Variants in GRIN1 observed in about 807,000 individuals in gnomAD.
The protein encoded by GRIN1 is glutamate receptor ionotropic, NMDA 1.
Under a neutral mutation model 103.0 loss-of-function variants are expected in GRIN1, and 38 were observed. The ratio of observed to expected loss-of-function variants is 0.37; its 90% CI spans 0.28 to 0.48. The LOEUF (loss-of-function observed/expected upper bound fraction) is 0.48, where lower values mean the gene tolerates loss of function less well. Ranked by LOEUF, GRIN1 falls within the 20% of genes least tolerant of loss-of-function variation. The pLI, the probability that GRIN1 is intolerant of heterozygous loss-of-function variation, is 0.98. For missense variants in GRIN1, 577 were observed against 1,288.9 expected (o/e 0.45, Z 8.46); for synonymous variants, 544 against 532.7 (o/e 1.02, Z -0.29).
At position 137,158,647 on chromosome 9, in the gene GRIN1, C is replaced by T. The variant is rs747469387; in HGVS notation, c.1140C>T (p.Ile380=). The part of the protein sequence containing the change: ...THVIPNDRKI[I]WPGGETEKPR... ...TCATCCCTAATGACAGGAAGATCATCTGGCCAGGCGGAGAGACAGAGAAGC... is the reference window on the plus strand; with the variant it reads ...TCATCCCTAATGACAGGAAGATCATTTGGCCAGGCGGAGAGACAGAGAAGC... Residue 380 remains isoleucine, a synonymous_variant, in exon 8 of 20, where the codon ATC becomes ATT. Transcript: ENST00000371561. The T allele has an allele frequency of 1.9e-6, 3 of 1,612,900 alleles. No individual in the cohort carries two copies. Among genetic ancestry groups the T allele is most frequent in the East Asian group, 2.2e-5 (1 of 44,874 alleles).
At position 137,167,959 on chromosome 9, in the gene GRIN1, C is replaced by T; in HGVS notation, c.*432C>T. The T allele has an allele frequency of 2.2e-6, 2 of 903,276 alleles. No homozygotes were observed. Among genetic ancestry groups the T allele is most frequent in the Non-Finnish European group, 3.5e-6 (2 of 571,314 alleles). The allele number at this position is 903,276 out of a possible 1,614,324, so 56.0% of individuals were successfully genotyped here. A position where few individuals can be genotyped will look rare whatever the true frequency, so the allele number is the denominator to read the frequency against. On this transcript the variant is annotated 3_prime_UTR_variant, in exon 20 of 20. Transcript: ENST00000371561. ...CCCAGAGACTGCCCACCCTGGGCCTCCCGTCCGTCCGCCCGCCCACCCCGC... is the reference window on the plus strand; with the variant it reads ...CCCAGAGACTGCCCACCCTGGGCCTTCCGTCCGTCCGCCCGCCCACCCCGC...
chr9:137,148,378 G>A (rs182678957), intron 3 of GRIN1, among the ~76,000 whole-genome samples: 33 of 152,320 alleles, frequency 2.2e-4, no homozygotes, highest in Admixed American at 7.8e-4. Context: ...GAGGGCAGGC[G>A]TGGCGGCGTG....
chr9:137,142,240 A>G (rs898724029), intron 2 of GRIN1, 93 bp downstream of exon 2: 2 of 1,292,496 alleles, frequency 1.5e-6, no homozygotes, highest in East Asian at 4.6e-5. Context: ...GCTCACATGG[A>G]ACTCACACAC....
chr9:137,153,771 C>G (rs1248658454), intron 4 of GRIN1, among the ~76,000 whole-genome samples: 1 of 152,202 alleles, frequency 6.6e-6, no homozygotes, highest in Non-Finnish European at 1.5e-5. Context: ...TATGCATACA[C>G]TGACCACAGC....
intron 18 of GRIN1, chr9:137,164,694 T>G (rs891617265): frequency 5.1e-6 from 1 of 195,312 alleles, no homozygotes; most frequent in Non-Finnish European, 1.1e-5. Context: ...ACAGGCCACC[T>G]GGCCATCAGA....
intron 12 of GRIN1, 33 bp from the exon 13 acceptor site, chr9:137,162,371 C>T (rs1463587669): frequency 5.1e-6 from 8 of 1,561,638 alleles, no homozygotes; most frequent in Non-Finnish European, 6.9e-6. Context: ...GCCTCTCCCG[C>T]CCTCTCTCCC....
In GRIN1 at chr9:137,159,131, G is replaced by A. The variant is rs1057418415; in HGVS notation, c.1197+427G>A. On this transcript the variant is annotated intron_variant, in intron 8 of 19. Coordinates refer to ENST00000371561, the MANE Select transcript of GRIN1 (RefSeq NM_007327.4). ...CCGGGTCAAACTGTCCTCTTCCACCGTGTGGGACAGCCCTTCCTGACTCCC... is the reference window on the plus strand; with the variant it reads ...CCGGGTCAAACTGTCCTCTTCCACCATGTGGGACAGCCCTTCCTGACTCCC... Among the ~76,000 whole-genome samples, 9 of 152,104 alleles carry A rather than the reference G, an allele frequency of 5.9e-5. 1 individual carries two copies. Among genetic ancestry groups the A allele is most frequent in the Admixed American group, 3.3e-4 (5 of 15,268 alleles).
At chr9:137,148,079 A>T in intron 3 of GRIN1, 1 of 1,011,086 alleles carries the variant, frequency 9.9e-7, no homozygotes, top group Non-Finnish European at 1.5e-6. Flanking sequence ...TGATTGCTTT[A>T]GCGCCGTCAT....
At chr9:137,158,903 T>G (rs1009559426) in intron 8 of GRIN1, among the ~76,000 whole-genome samples, 199 bp downstream of exon 8, 1 of 152,196 alleles carries the variant, frequency 6.6e-6, no homozygotes, top group Non-Finnish European at 1.5e-5. Context: ...GAGAGGAAGC[T>G]GCCCCCATCC....
intron 19 of GRIN1, among the ~76,000 whole-genome samples, chr9:137,167,177 G>A (rs1026450564): frequency 6.6e-6 from 1 of 152,144 alleles, no homozygotes; most frequent in East Asian, 1.9e-4. Flanking sequence ...CCAGCTGGGG[G>A]TCTGGGCAGG....
chr9:137,162,973 C>T lies in GRIN1; in HGVS notation c.2141C>T (p.Ala714Val), dbSNP rs1424874334. Residue 714 changes from alanine (A) to valine (V), a missense_variant, in exon 15 of 20, where the codon GCG becomes GTG. Transcript: ENST00000371561. The stretch of plus-strand genomic sequence containing the variant: ...ATGGAGAAGCACAACTACGAGAGTG[C>T]GGCGGAGGCCATCCAGGCCGTGAGA... ...RHMEKHNYES[A>V]AEAIQAVRDN... 1 of 1,603,832 alleles carries T rather than the reference C, an allele frequency of 6.2e-7. No individual in the cohort carries two copies.
At chr9:137,149,385 G>A (rs1452391975) in intron 4 of GRIN1, among the ~76,000 whole-genome samples, 3 of 152,226 alleles carry the variant, frequency 2.0e-5, no homozygotes, top group African/African-American at 7.2e-5. Context: ...AGAGGGATAT[G>A]GAAGAGACCC....
rs149285132 is a variant in GRIN1 at position 137,164,349 on chromosome 9, C to T, written c.2589+445C>T. The T allele has an allele frequency of 1.1e-3, 312 of 271,940 alleles. 1 individual carries two copies. The highest frequency in any genetic ancestry group is 6.3e-3 in the African/African-American group (283 of 44,650). The allele number at this position is 271,940 out of a possible 1,614,324, so 16.8% of individuals were successfully genotyped here. On this transcript the variant is annotated intron_variant, in intron 18 of 19. Coordinates refer to ENST00000371561, the MANE Select transcript of GRIN1 (RefSeq NM_007327.4). The stretch of plus-strand genomic sequence containing the variant: ...GTCCTTGTGCTCCGTGACTCTAATC[C>T]GAATTGGGCCAGGTCCGGTCCTGCC...
Position 137,161,169 on chromosome 9 carries a change from C to G in GRIN1, c.1311C>G (p.Thr437=). ...ACCCAGTCAAGAAGGTGATCTGCACCGGGCCCAACGACACGTCGCCGGGCA... is the reference window on the plus strand; with the variant it reads ...ACCCAGTCAAGAAGGTGATCTGCACGGGGCCCAACGACACGTCGCCGGGCA... ...NGDPVKKVIC[T]GPNDTSPGSP... is the part of the protein sequence containing the mutation. The change falls in exon 9 of 20, where the codon ACC becomes ACG. Residue 437 remains threonine (T), a synonymous_variant. Transcript: ENST00000371561. The G allele has an allele frequency of 1.2e-6, 2 of 1,611,824 alleles. No individual in the cohort carries two copies. The highest frequency in any genetic ancestry group is 1.7e-6 in the Non-Finnish European group (2 of 1,179,590).
chr9:137,164,026 A>T (rs751885850), intron 18 of GRIN1, 122 bp downstream of exon 18: 3 of 1,211,042 alleles, frequency 2.5e-6, no homozygotes, highest in Admixed American at 1.8e-5. Context: ...GCTAGGAGCC[A>T]TGGCCAGGGG....
At chr9:137,157,487 G>A (rs1833300429) in intron 6 of GRIN1, among the ~76,000 whole-genome samples, 1 of 152,186 alleles carries the variant, frequency 6.6e-6, no homozygotes, top group Non-Finnish European at 1.5e-5. Context: ...AGCCCACCCT[G>A]AAACAGCACC....
At chr9:137,156,623 G>A (rs1367904515) in intron 4 of GRIN1, 46 bp from the exon 5 acceptor site, 6 of 1,587,164 alleles carry the variant, frequency 3.8e-6, no homozygotes, top group African/African-American at 2.7e-5. Flanking sequence ...GAGCGCCGCG[G>A]TGGGAGTGCT....
At chr9:137,150,557 G>A (rs1832790375) in intron 4 of GRIN1, among the ~76,000 whole-genome samples, 1 of 139,358 alleles carries the variant, frequency 7.2e-6, no homozygotes, top group Non-Finnish European at 1.5e-5. Flanking sequence ...GCCCAGCCCA[G>A]AAAAAAGACC....
At chr9:137,152,365 A>T (rs1206126418) in intron 4 of GRIN1, among the ~76,000 whole-genome samples, 1 of 152,166 alleles carries the variant, frequency 6.6e-6, no homozygotes, top group Non-Finnish European at 1.5e-5. Flanking sequence ...TTCATCCAAG[A>T]TGGGTCAACT....
Sources: gnomAD v4.1 joint callset for allele counts (sites outside exome capture counted in the v4.1 genomes callset) on GRCh38, gnomAD v4.1.1 for gene constraint, MANE v1.5 for transcripts, NCBI Gene and HGNC (gene_info 2026-07-23, HGNC 2026-07-21) for gene names.